The following CDH3 variants were observed in gnomAD, a reference collection of about 807,000 sequenced individuals.
The protein encoded by CDH3 is cadherin 3, also known as cadherin-3.
Under a neutral mutation model 82.0 loss-of-function variants are expected in CDH3, and 54 were observed. The observed-to-expected ratio is 0.66, with a 90% CI of 0.53 to 0.83. The LOEUF (loss-of-function observed/expected upper bound fraction) is 0.83, where lower values mean the gene tolerates loss of function less well. Among genes scored for constraint, CDH3 ranks in the 40% least tolerant of loss-of-function variants. The pLI is 0.00. For synonymous variants in CDH3, 446 were observed against 437.9 expected, an observed-to-expected ratio of 1.02 and a Z score of -0.23; for missense variants, 1,054 against 1,084.6, an observed-to-expected ratio of 0.97 and a Z score of 0.40.
In CDH3 at chr16:68,707,762, C is replaced by T. The variant is rs1961981864; in HGVS notation, c.99+11839C>T. Reference sequence around the variant, plus strand: ...CCTTGTCCTCGCTTGGTATTAGGCCCTCTCCAAGTTAGAGGTGGGGTGGGA... The same window carrying T: ...CCTTGTCCTCGCTTGGTATTAGGCCTTCTCCAAGTTAGAGGTGGGGTGGGA... On this transcript the variant is annotated intron_variant, in intron 1 of 2. Coordinates refer to the CDH3 transcript ENST00000569080. This position sits in a 1 kb window ranked among gnomAD's most constrained non-coding sequence, Gnocchi z 4.5. Among the ~76,000 whole-genome samples the T allele has an allele frequency of 6.6e-6, 1 of 152,104 alleles. No individual in the cohort carries two copies. The highest frequency in any genetic ancestry group is 6.5e-5 in the Admixed American group (1 of 15,268).
chr16:68,720,576 G>A (rs117777238), intron 1 of CDH3, among the ~76,000 whole-genome samples: 1,643 of 151,986 alleles, frequency 0.011, 14 homozygotes, highest in Middle Eastern at 0.034. Flanking sequence ...ACATCAGAAG[G>A]GTAGGGCAAG....
intron 2 of CDH3, among the ~76,000 whole-genome samples, chr16:68,654,205 A>G (rs1294826088): frequency 3.4e-5 from 5 of 148,844 alleles, no homozygotes; most frequent in Non-Finnish European, 7.4e-5. Context: ...GACTACAGGC[A>G]TGTGCCACCA....
intron 2 of CDH3, among the ~76,000 whole-genome samples, chr16:68,653,297 C>T (rs373148676): frequency 5.3e-5 from 8 of 151,780 alleles, no homozygotes; most frequent in African/African-American, 1.5e-4. Flanking sequence ...AGTGCAATGG[C>T]GTGATCTTGG....
intron 1 of CDH3, among the ~76,000 whole-genome samples, chr16:68,716,650 AAACTGAT>A (rs1281839428): frequency 6.6e-6 from 1 of 151,398 alleles, no homozygotes; most frequent in African/African-American, 2.4e-5. Flanking sequence ...GAAAAGAAAA[AAACTGAT>A]AACAGTAGTT....
intron 2 of CDH3, among the ~76,000 whole-genome samples, chr16:68,646,568 A>G (rs1054008626): frequency 6.6e-6 from 1 of 151,508 alleles, no homozygotes; most frequent in African/African-American, 2.4e-5. Context: ...TAGTGAGGAG[A>G]ACCAGTGTGT....
chr16:68,694,117 G>A (rs1011156847), intron 13 of CDH3, among the ~76,000 whole-genome samples: 2 of 151,158 alleles, frequency 1.3e-5, no homozygotes, highest in African/African-American at 4.9e-5. Context: ...TTGAGATCAC[G>A]CCACTGCATT....
intron 2 of CDH3, among the ~76,000 whole-genome samples, chr16:68,661,763 G>C (rs781091811): frequency 6.6e-6 from 1 of 152,136 alleles, no homozygotes; most frequent in Non-Finnish European, 1.5e-5. Flanking sequence ...ATCTCAGCTC[G>C]CTGCAACCTC....
At chr16:68,683,846 T>A (rs1961311135) in intron 9 of CDH3, among the ~76,000 whole-genome samples, 1 of 151,232 alleles carries the variant, frequency 6.6e-6, no homozygotes, top group Admixed American at 6.6e-5. Context: ...GGCAGACAGA[T>A]CACCTGAGGT....
intron 2 of CDH3, among the ~76,000 whole-genome samples, chr16:68,723,437 T>A (rs1275070401): frequency 6.6e-6 from 1 of 152,164 alleles, no homozygotes; most frequent in Non-Finnish European, 1.5e-5. Context: ...AAAAATGGGA[T>A]CCTGTGCAGT....
chr16:68,666,079 T>C (rs772173430), intron 2 of CDH3, among the ~76,000 whole-genome samples: 19 of 152,056 alleles, frequency 1.2e-4, no homozygotes, highest in African/African-American at 4.3e-4. Flanking sequence ...TTGTTGAGGG[T>C]ATCTGATCTG....
chr16:68,691,977 T>C (rs745833036), intron 13 of CDH3, 51 bp downstream of exon 13: 5 of 1,460,580 alleles, frequency 3.4e-6, no homozygotes, highest in Non-Finnish European at 4.8e-6. Flanking sequence ...GTTGAAAGAC[T>C]GGATTCTACC....
At chr16:68,674,249 C>T (rs771263672) in intron 2 of CDH3, among the ~76,000 whole-genome samples, 1 of 152,050 alleles carries the variant, frequency 6.6e-6, no homozygotes, top group Non-Finnish European at 1.5e-5. Context: ...AGTGGTATCT[C>T]ATTGTGATTT....
At chr16:68,650,764 C>T (rs903145894) in intron 2 of CDH3, among the ~76,000 whole-genome samples, 2 of 152,230 alleles carry the variant, frequency 1.3e-5, no homozygotes, top group East Asian at 1.9e-4. Context: ...ATAGCCTGGA[C>T]GTGCCAGCAG....
At chr16:68,678,420 T>G in intron 4 of CDH3, 81 bp from the exon 5 acceptor site, 1 of 1,580,894 alleles carries the variant, frequency 6.3e-7, no homozygotes, top group Non-Finnish European at 8.7e-7. Context: ...CCTATGGCAG[T>G]GCCCCTCTTC....
chr16:68,679,035 C>A (rs1961126617), intron 6 of CDH3, 129 bp downstream of exon 6: 1 of 927,608 alleles, frequency 1.1e-6, no homozygotes, highest in South Asian at 1.5e-5. Flanking sequence ...ATCCAGATTT[C>A]CCCCCTTCCA....
At chr16:68,686,338 G>C in intron 11 of CDH3, 1 of 953,134 alleles carries the variant, frequency 1.0e-6, no homozygotes, top group Middle Eastern at 2.2e-4. Context: ...TCCTTGCGGC[G>C]CTACACAAGA....
chr16:68,665,767 T>G (rs1306505179), intron 2 of CDH3, among the ~76,000 whole-genome samples: 1 of 152,066 alleles, frequency 6.6e-6, no homozygotes, highest in African/African-American at 2.4e-5. Context: ...AGTTTGGGTT[T>G]CACTCTGGGA....
chr16:68,702,269 T>C (rs1040014300), downstream of CDH3, among the ~76,000 whole-genome samples: 1 of 152,154 alleles, frequency 6.6e-6, no homozygotes, highest in African/African-American at 2.4e-5. Flanking sequence ...AGTTTGGATG[T>C]GTTATTTAAT....
chr16:68,702,942 A>G (rs964821638), downstream of CDH3, among the ~76,000 whole-genome samples: 11 of 151,914 alleles, frequency 7.2e-5, no homozygotes, highest in African/African-American at 2.7e-4. Flanking sequence ...TCATCCTCCC[A>G]GCTTGTATTC....
Sources: gnomAD v4.1 joint callset for allele counts (sites outside exome capture counted in the v4.1 genomes callset) on GRCh38, gnomAD v4.1.1 for gene constraint, Gnocchi (gnomAD v3.1) non-coding constraint, MANE v1.5 for transcripts, NCBI Gene and HGNC (gene_info 2026-07-23, HGNC 2026-07-21) for gene names.